The following LRMDA variants were observed in gnomAD, a reference collection of about 807,000 sequenced individuals.
LRMDA encodes the protein leucine rich melanocyte differentiation associated, also known as leucine-rich melanocyte differentiation-associated protein.
Under a neutral mutation model 29.8 loss-of-function variants are expected in LRMDA, and 18 were observed. The ratio of observed to expected loss-of-function variants is 0.60; its 90% CI spans 0.42 to 0.90. LRMDA has a LOEUF of 0.90. Among genes scored for constraint, LRMDA ranks in the 40% least tolerant of loss-of-function variants. The pLI, the probability that LRMDA is intolerant of heterozygous loss-of-function variation, is 0.00. For missense variants in LRMDA, 273 were observed against 273.9 expected (o/e 1.00, Z 0.02); for synonymous variants, 125 against 109.4 (o/e 1.14, Z -0.89).
intron 2 of LRMDA, among the ~76,000 whole-genome samples, chr10:75,898,248 T>TA (rs1459954656): frequency 6.6e-6 from 1 of 151,890 alleles, no homozygotes; most frequent in Non-Finnish European, 1.5e-5. Flanking sequence ...TAAAAAATAA[T>TA]AAAAAAAGAA....
At chr10:75,812,058 C>T (rs1430028775) in intron 2 of LRMDA, among the ~76,000 whole-genome samples, 2 of 142,568 alleles carry the variant, frequency 1.4e-5, no homozygotes, top group African/African-American at 2.7e-5. Context: ...CATTAAAAGT[C>T]GATGATGACC....
chr10:76,551,649 G>T (rs756668285), intron 6 of LRMDA, among the ~76,000 whole-genome samples: 7 of 152,150 alleles, frequency 4.6e-5, no homozygotes, highest in Non-Finnish European at 4.4e-5. Context: ...GGTTTATTGG[G>T]ATGTAGCTCC....
At chr10:76,359,604 A>G (rs989755739) in intron 6 of LRMDA, among the ~76,000 whole-genome samples, 4 of 152,306 alleles carry the variant, frequency 2.6e-5, no homozygotes, top group East Asian at 3.9e-4. Flanking sequence ...TTTCAGTACT[A>G]TCCTTCAGTT....
intron 2 of LRMDA, among the ~76,000 whole-genome samples, chr10:75,468,354 C>G (rs1467403390): frequency 1.3e-5 from 2 of 152,248 alleles, no homozygotes; most frequent in South Asian, 2.1e-4. Context: ...TTAGGACTCC[C>G]ATGCTATCTT....
chr10:75,448,480 A>T (rs1422633256), intron 2 of LRMDA, among the ~76,000 whole-genome samples: 1 of 152,170 alleles, frequency 6.6e-6, no homozygotes, highest in African/African-American at 2.4e-5. Flanking sequence ...GGTGTTAGGA[A>T]GGAGACTGGA....
chr10:75,905,578 CTCTT>C (rs1400134262), intron 2 of LRMDA, among the ~76,000 whole-genome samples: 1 of 151,596 alleles, frequency 6.6e-6, no homozygotes, highest in East Asian at 1.9e-4. Context: ...TTAAAAAAGA[CTCTT>C]CCTTCTCATT....
intron 6 of LRMDA, among the ~76,000 whole-genome samples, chr10:76,367,798 C>T (rs925679576): frequency 6.6e-6 from 1 of 152,110 alleles, no homozygotes; most frequent in Non-Finnish European, 1.5e-5. Context: ...TTTGTCTGTT[C>T]AGGGTATCTA....
chr10:75,884,796 G>A (rs1044349606), intron 2 of LRMDA, among the ~76,000 whole-genome samples: 1 of 151,082 alleles, frequency 6.6e-6, no homozygotes, highest in Admixed American at 6.6e-5. Context: ...GGGAACTGAA[G>A]GGGACCATTG....
intron 6 of LRMDA, among the ~76,000 whole-genome samples, chr10:76,397,082 T>G (rs1841793538): frequency 6.6e-6 from 1 of 152,170 alleles, no homozygotes; most frequent in African/African-American, 2.4e-5. Context: ...TGGCTTCTCT[T>G]TTCGGTGTGT....
chr10:76,056,499 CTGTT>C (rs1260353808), intron 4 of LRMDA, among the ~76,000 whole-genome samples: 17 of 152,198 alleles, frequency 1.1e-4, no homozygotes, highest in Non-Finnish European at 1.9e-4. Flanking sequence ...GGTGCCCAGG[CTGTT>C]TGTGCCAAGG....
chr10:75,823,141 T>C (rs1362338899), intron 2 of LRMDA, among the ~76,000 whole-genome samples: 2 of 152,138 alleles, frequency 1.3e-5, no homozygotes, highest in African/African-American at 2.4e-5. Context: ...AAAAAGCTTA[T>C]GCACAGCAAA....
At chr10:76,360,240 G>A (rs144726697) in intron 6 of LRMDA, among the ~76,000 whole-genome samples, 3,264 of 151,902 alleles carry the variant, frequency 0.021, 130 homozygotes, top group African/African-American at 0.072. Context: ...TGCCTGCCTC[G>A]GCCTCCCAAA....
Position 75,932,949 on chromosome 10 carries a change from TA to T in LRMDA, c.132-103058del, listed in dbSNP as rs1462186395. ...AAAGGTGTTTTGTAAACCATTAAATTACTTAACCAAAGCCTTAGTCAAGAAT... is the reference window on the plus strand; with the variant it reads ...AAAGGTGTTTTGTAAACCATTAAATTCTTAACCAAAGCCTTAGTCAAGAAT... On this transcript the variant is annotated intron_variant, in intron 2 of 6. Transcript: ENST00000611255. Among the ~76,000 whole-genome samples the T allele has an allele frequency of 3.9e-5, 6 of 152,352 alleles. No individual in the cohort carries two copies. The East Asian group carries it at 1.2e-3, about 29-fold the overall frequency.
chr10:76,229,428 A>G (rs950007785), intron 5 of LRMDA, among the ~76,000 whole-genome samples: 2 of 152,204 alleles, frequency 1.3e-5, no homozygotes, highest in Non-Finnish European at 1.5e-5. Context: ...CCTGGGACGA[A>G]GTCTGTCTGG....
At chr10:76,038,707 T>G (rs1848293442) in intron 3 of LRMDA, among the ~76,000 whole-genome samples, 1 of 152,244 alleles carries the variant, frequency 6.6e-6, no homozygotes, top group Non-Finnish European at 1.5e-5. Flanking sequence ...ACTGTGAGAA[T>G]GTTGCAGGCT....
chr10:75,773,096 AGGTAGAAAATT>A (rs1843266112), intron 2 of LRMDA, among the ~76,000 whole-genome samples: 1 of 152,220 alleles, frequency 6.6e-6, no homozygotes, highest in Non-Finnish European at 1.5e-5. Context: ...TTGACATTTT[AGGTAGAAAATT>A]GTTTGTTATG....
chr10:76,138,151 G>A (rs1336768613), intron 5 of LRMDA, among the ~76,000 whole-genome samples: 1 of 152,182 alleles, frequency 6.6e-6, no homozygotes, highest in Non-Finnish European at 1.5e-5. Flanking sequence ...ATGAAGGGCT[G>A]CAATTTACAG....
intron 5 of LRMDA, among the ~76,000 whole-genome samples, chr10:76,136,070 A>T (rs904878220): frequency 1.3e-5 from 2 of 152,200 alleles, no homozygotes; most frequent in African/African-American, 4.8e-5. Flanking sequence ...TATAGTAACT[A>T]CTTGATAAAT....
At chr10:76,061,385 G>A (rs768465155) in intron 5 of LRMDA, among the ~76,000 whole-genome samples, 25 of 152,138 alleles carry the variant, frequency 1.6e-4, no homozygotes, top group Non-Finnish European at 3.5e-4. Flanking sequence ...AAGATTGGGA[G>A]GAGAGAGAGG....
Sources: allele counts gnomAD v4.1 joint callset (sites outside exome capture counted in the v4.1 genomes callset), GRCh38; gene constraint gnomAD v4.1.1; transcripts MANE v1.5; gene names NCBI Gene and HGNC (gene_info 2026-07-23, HGNC 2026-07-21).